The following FAF1 variants were observed in gnomAD, a reference collection of about 807,000 sequenced individuals.
FAF1 encodes the protein FAS-associated factor 1.
FAF1 carries 25 observed loss-of-function variants against 92.5 expected under a neutral mutation model. The ratio of observed to expected loss-of-function variants is 0.27; its 90% CI spans 0.20 to 0.38. The LOEUF (loss-of-function observed/expected upper bound fraction) is 0.38. Ranked by LOEUF, FAF1 falls within the 10% of genes least tolerant of loss-of-function variation. The probability of loss-of-function intolerance (pLI) is 1.00; values close to 1 mark genes in which losing one functional copy is unlikely to be tolerated. For synonymous variants in FAF1, 234 were observed against 273.2 expected (o/e 0.86, Z 1.42); for missense variants, 636 against 793.3 (o/e 0.80, Z 2.38).
At chr1:50,477,440 T>C (rs1462648146) in intron 17 of FAF1, among the ~76,000 whole-genome samples, 1 of 152,172 alleles carries the variant, frequency 6.6e-6, no homozygotes, top group East Asian at 1.9e-4. Flanking sequence ...TATGGGGAAA[T>C]TGATGCCCAG....
At position 50,747,053 on chromosome 1, in the gene FAF1, G is replaced by C. The variant is rs574423223; in HGVS notation, c.368-2278C>G. Among the ~76,000 whole-genome samples the C allele has an allele frequency of 4.7e-4, 71 of 152,342 alleles. 1 individual carries two copies. The highest frequency in any genetic ancestry group is 1.7e-3 in the African/African-American group (70 of 41,586). On this transcript the variant is annotated intron_variant, in intron 4 of 18. Transcript: ENST00000396153. ...AGATGCTATATGGAAAAGCCTGGAT[G>C]TCCAGGCAGAAGCCCTCATGGAGAA...
chr1:50,577,571 G>T (rs12122697), intron 12 of FAF1, among the ~76,000 whole-genome samples: 14,014 of 152,142 alleles, frequency 0.092, 837 homozygotes, highest in African/African-American at 0.17. Context: ...TCTTTCCCCT[G>T]AACTTCTAAG....
At chr1:50,905,903 T>C (rs1284505180) in intron 1 of FAF1, among the ~76,000 whole-genome samples, 13 of 152,256 alleles carry the variant, frequency 8.5e-5, no homozygotes, top group Admixed American at 7.8e-4. Context: ...TTTGTCAATT[T>C]TGGCTTTGGT....
chr1:50,544,464 G>A (rs1263625757), intron 13 of FAF1, among the ~76,000 whole-genome samples: 1 of 152,020 alleles, frequency 6.6e-6, no homozygotes, highest in Non-Finnish European at 1.5e-5. Flanking sequence ...AGTGATTAAT[G>A]GCCACACTTT....
At chr1:50,764,031 T>C (rs1660464087) in intron 4 of FAF1, among the ~76,000 whole-genome samples, 1 of 152,164 alleles carries the variant, frequency 6.6e-6, no homozygotes, top group Non-Finnish European at 1.5e-5. Flanking sequence ...GAGGAGGAGA[T>C]ATAAGAATCC....
At chr1:50,759,004 A>ACCTG (rs1660203160) in intron 4 of FAF1, among the ~76,000 whole-genome samples, 1 of 151,862 alleles carries the variant, frequency 6.6e-6, no homozygotes, top group Non-Finnish European at 1.5e-5. Context: ...CACCACGTCC[A>ACCTG]GCTAATTTTT....
At chr1:50,933,769 C>T (rs1268114350) in intron 1 of FAF1, among the ~76,000 whole-genome samples, 2 of 152,160 alleles carry the variant, frequency 1.3e-5, no homozygotes, top group Non-Finnish European at 2.9e-5. Context: ...AGGTTTAATT[C>T]GATTTACAGT....
chr1:50,715,019 TA>T, intron 6 of FAF1: 1 of 436,476 alleles, frequency 2.3e-6, no homozygotes. Flanking sequence ...TGCAAAGTTC[TA>T]AAAATATATA....
At chr1:50,649,217 G>A (rs1361945224) in intron 8 of FAF1, among the ~76,000 whole-genome samples, 2 of 151,376 alleles carry the variant, frequency 1.3e-5, no homozygotes, top group South Asian at 2.1e-4. Flanking sequence ...GTGCAATGGC[G>A]CAATCTCTCA....
At chr1:50,600,674 G>A (rs1026177490) in intron 8 of FAF1, among the ~76,000 whole-genome samples, 13 of 152,006 alleles carry the variant, frequency 8.6e-5, no homozygotes, top group African/African-American at 3.1e-4. Context: ...TCTGTAGGAG[G>A]TCAGATTTTC....
At chr1:50,762,152 AAGG>A (rs1265629347) in intron 4 of FAF1, among the ~76,000 whole-genome samples, 1 of 152,060 alleles carries the variant, frequency 6.6e-6, no homozygotes, top group African/African-American at 2.4e-5. Flanking sequence ...GGACCTCTTC[AAGG>A]AGAACTACAA....
intron 18 of FAF1, among the ~76,000 whole-genome samples, chr1:50,453,755 C>G (rs1164242713): frequency 6.6e-6 from 1 of 152,176 alleles, no homozygotes; most frequent in African/African-American, 2.4e-5. Context: ...AGAGAGGATG[C>G]TAGGAAAGTG....
chr1:50,953,926 TG>T (rs1172325320), intron 1 of FAF1, among the ~76,000 whole-genome samples: 1 of 145,720 alleles, frequency 6.9e-6, no homozygotes, highest in African/African-American at 2.6e-5. Flanking sequence ...CTATGACCAA[TG>T]GAACTAAATT....
chr1:50,846,442 C>G (rs562566770), intron 2 of FAF1: 2 of 414,192 alleles, frequency 4.8e-6, no homozygotes, highest in Non-Finnish European at 9.3e-6. Context: ...AGCTCGCTTC[C>G]GAGCCGCACG....
At chr1:50,761,753 G>C (rs1660336543) in intron 4 of FAF1, among the ~76,000 whole-genome samples, 1 of 152,086 alleles carries the variant, frequency 6.6e-6, no homozygotes, top group African/African-American at 2.4e-5. Flanking sequence ...GCAAAAACTG[G>C]AAGCATTCCC....
chr1:50,924,800 T>G (rs998853634), intron 1 of FAF1, among the ~76,000 whole-genome samples: 9 of 152,146 alleles, frequency 5.9e-5, no homozygotes, highest in African/African-American at 1.9e-4. Flanking sequence ...CTGGCCAACA[T>G]GATGAAACCC....
intron 15 of FAF1, 53 bp from the exon 16 acceptor site, chr1:50,491,854 AAAG>A: frequency 1.4e-6 from 2 of 1,391,470 alleles, no homozygotes; most frequent in Non-Finnish European, 1.0e-6. Flanking sequence ...TTTTGAAAAA[AAAG>A]AGAAAAAAAA....
At chr1:50,694,836 A>G (rs967961292) in intron 7 of FAF1, among the ~76,000 whole-genome samples, 1 of 150,482 alleles carries the variant, frequency 6.6e-6, no homozygotes, top group Non-Finnish European at 1.5e-5. Context: ...AGTGGTGGGC[A>G]CCTGTAGTCC....
At chr1:50,644,558 C>T (rs1166694683) in intron 8 of FAF1, among the ~76,000 whole-genome samples, 1 of 152,180 alleles carries the variant, frequency 6.6e-6, no homozygotes, top group Non-Finnish European at 1.5e-5. Flanking sequence ...CTGGAGCCTC[C>T]CAAAACTCCA....
Sources: gnomAD v4.1 joint callset for allele counts (sites outside exome capture counted in the v4.1 genomes callset) on GRCh38, gnomAD v4.1.1 for gene constraint, MANE v1.5 for transcripts, NCBI Gene and HGNC (gene_info 2026-07-23, HGNC 2026-07-21) for gene names.